Variants in SBF2 observed in about 807,000 individuals in gnomAD.
The protein encoded by SBF2 is myotubularin-related protein 13.
A neutral mutation model predicts 225.2 loss-of-function variants in SBF2; 112 were observed. The ratio of observed to expected loss-of-function variants is 0.50; its 90% CI spans 0.43 to 0.58. The LOEUF (loss-of-function observed/expected upper bound fraction) is 0.58, where lower values mean the gene tolerates loss of function less well. Ranked by LOEUF, SBF2 falls within the 20% of genes least tolerant of loss-of-function variation. SBF2 has a pLI of 0.00. For missense variants in SBF2, 1,996 were observed against 2,206.2 expected, an observed-to-expected ratio of 0.90 and a Z score of 1.91; for synonymous variants, 763 against 773.3, an observed-to-expected ratio of 0.99 and a Z score of 0.22.
intron 16 of SBF2, among the ~76,000 whole-genome samples, chr11:9,928,329 T>C (rs1451416617): frequency 1.4e-4 from 22 of 152,082 alleles, no homozygotes; most frequent in Non-Finnish European, 1.5e-5. Flanking sequence ...ATATAGATGG[T>C]AAATAAGTAT....
intron 13 of SBF2, among the ~76,000 whole-genome samples, chr11:9,986,115 T>C (rs925276137): frequency 5.9e-5 from 9 of 152,050 alleles, no homozygotes; most frequent in Non-Finnish European, 1.0e-4. Flanking sequence ...AAACAGGAAA[T>C]TGACGCCAAA....
chr11:10,195,812 C>A (rs1290853900), intron 1 of SBF2, among the ~76,000 whole-genome samples: 1 of 152,178 alleles, frequency 6.6e-6, no homozygotes, highest in Non-Finnish European at 1.5e-5. Flanking sequence ...ATAATTGCTG[C>A]AGTACAGTAA....
chr11:10,193,184 T>C (rs1398364021), intron 2 of SBF2, among the ~76,000 whole-genome samples: 4 of 152,112 alleles, frequency 2.6e-5, no homozygotes, highest in East Asian at 1.9e-4. Flanking sequence ...TTTGGTTTTT[T>C]ATTTATCTGT....
intron 17 of SBF2, among the ~76,000 whole-genome samples, chr11:9,868,038 T>C (rs1042491036): frequency 6.6e-6 from 1 of 152,098 alleles, no homozygotes; most frequent in African/African-American, 2.4e-5. Flanking sequence ...TGACAAATGT[T>C]TGAGGTGATG....
chr11:10,070,283 G>A (rs1256727867), intron 2 of SBF2, among the ~76,000 whole-genome samples: 2 of 152,082 alleles, frequency 1.3e-5, no homozygotes, highest in Non-Finnish European at 2.9e-5. Context: ...GGGTTTTTAT[G>A]GTTTTATGTC....
chr11:10,023,740 G>A lies in SBF2; in HGVS notation c.619+4712C>T, dbSNP rs545600948. 1.8e-3 allele frequency among the ~76,000 whole-genome samples: 276 copies of A among 152,220 alleles called. 1 individual carries two copies. The highest frequency in any genetic ancestry group is 6.4e-3 in the African/African-American group (266 of 41,524). On this transcript the variant is annotated intron_variant, in intron 6 of 39. Transcript: ENST00000256190. ...CGGCTGAATAATTTTCCATTGTGCG[G>A]ATATATCAAAATTTGTTTATCCATT...
At chr11:10,083,940 G>A (rs918178968) in intron 2 of SBF2, among the ~76,000 whole-genome samples, 7 of 152,110 alleles carry the variant, frequency 4.6e-5, no homozygotes, top group Non-Finnish European at 1.0e-4. Context: ...ACGAGTTCAA[G>A]ACTAGCCCAG....
At chr11:10,115,329 A>T (rs1466084580) in intron 2 of SBF2, among the ~76,000 whole-genome samples, 1 of 152,220 alleles carries the variant, frequency 6.6e-6, no homozygotes, top group East Asian at 1.9e-4. Context: ...TCATAAAAAT[A>T]ATATTAAATA....
At chr11:9,781,768 C>CA (rs1389199908) in intron 38 of SBF2, 130 bp from the exon 39 acceptor site, 1 of 1,060,938 alleles carries the variant, frequency 9.4e-7, no homozygotes, top group Non-Finnish European at 1.4e-6. Context: ...GAAGAATACA[C>CA]AAAAAATTAA....
intron 17 of SBF2, among the ~76,000 whole-genome samples, chr11:9,869,738 C>T (rs1858562965): frequency 6.6e-6 from 1 of 152,084 alleles, no homozygotes; most frequent in Non-Finnish European, 1.5e-5. Flanking sequence ...AACCCACAGC[C>T]AATATTATAC....
At chr11:9,801,826 A>G (rs924561115) in intron 32 of SBF2, among the ~76,000 whole-genome samples, 1 of 152,248 alleles carries the variant, frequency 6.6e-6, no homozygotes, top group African/African-American at 2.4e-5. Context: ...TGCCAATATT[A>G]CTGGATAAAT....
At chr11:10,276,037 G>C (rs1451400714) in intron 1 of SBF2, among the ~76,000 whole-genome samples, 8 of 151,910 alleles carry the variant, frequency 5.3e-5, no homozygotes, top group African/African-American at 7.2e-5. Context: ...TTCTGAGAAT[G>C]ATCTTTTAAC....
intron 13 of SBF2, among the ~76,000 whole-genome samples, chr11:9,982,557 G>A (rs533789213): frequency 6.6e-6 from 1 of 152,328 alleles, no homozygotes; most frequent in South Asian, 2.1e-4. Flanking sequence ...ATTAATGACT[G>A]TCTAAATAGA....
intron 17 of SBF2, among the ~76,000 whole-genome samples, chr11:9,883,290 GA>G (rs57274838): frequency 0.015 from 2,262 of 146,620 alleles, 62 homozygotes; most frequent in African/African-American, 0.053. Flanking sequence ...TTGCTGTGTG[GA>G]AAAAAAAAAC....
chr11:10,138,874 T>C (rs1349994316), intron 2 of SBF2, among the ~76,000 whole-genome samples: 2 of 152,214 alleles, frequency 1.3e-5, no homozygotes, highest in Non-Finnish European at 1.5e-5. Context: ...GTATTTACCA[T>C]GAACATTTGA....
At chr11:10,172,582 A>G (rs1289858129) in intron 2 of SBF2, among the ~76,000 whole-genome samples, 2 of 152,048 alleles carry the variant, frequency 1.3e-5, no homozygotes, top group African/African-American at 4.8e-5. Context: ...CAAACTCCTG[A>G]CCTCAGGTGA....
rs560036449 is a variant in SBF2 at position 10,124,688 on chromosome 11, C to G, written c.141+69214G>C. Among the ~76,000 whole-genome samples, 6 of 152,250 alleles carry G rather than the reference C, an allele frequency of 3.9e-5. No homozygotes were observed. The East Asian group carries it at 1.2e-3, about 29-fold the overall frequency. Reference sequence around the variant, plus strand: ...TTAATTTATTTGTAGATAGAGCTATCACAATGTTATTCCTTTAAAGCACCT... The same window carrying G: ...TTAATTTATTTGTAGATAGAGCTATGACAATGTTATTCCTTTAAAGCACCT... On this transcript the variant is annotated intron_variant, in intron 2 of 39. Coordinates refer to ENST00000256190, the MANE Select transcript of SBF2 (RefSeq NM_030962.4).
chr11:10,037,109 G>A (rs1367993525), intron 3 of SBF2, among the ~76,000 whole-genome samples: 2 of 152,052 alleles, frequency 1.3e-5, no homozygotes, highest in Non-Finnish European at 2.9e-5. Flanking sequence ...GGACATCAAG[G>A]GGACTGTTAA....
intron 1 of SBF2, among the ~76,000 whole-genome samples, chr11:10,226,942 C>A (rs1033336696): frequency 7.2e-5 from 11 of 152,192 alleles, no homozygotes; most frequent in Admixed American, 1.3e-4. Context: ...GTCCCACCAA[C>A]AGTATAAAAG....
Sources: allele counts gnomAD v4.1 joint callset (sites outside exome capture counted in the v4.1 genomes callset), GRCh38; gene constraint gnomAD v4.1.1; transcripts MANE v1.5; gene names NCBI Gene and HGNC (gene_info 2026-07-23, HGNC 2026-07-21).